SUGCT: variants seen among roughly 807,000 people sequenced by gnomAD.
SUGCT encodes the protein succinyl-CoA:glutarate CoA-transferase.
SUGCT carries 41 observed loss-of-function variants against 55.0 expected under a neutral mutation model. That is an observed-to-expected ratio of 0.74 (90% confidence interval 0.58 to 0.97). SUGCT has a LOEUF of 0.97. Among genes scored for constraint, SUGCT ranks in the 50% least tolerant of loss-of-function variants. SUGCT has a pLI of 0.00. For synonymous variants in SUGCT, 187 were observed against 200.4 expected (o/e 0.93, Z 0.56); for missense variants, 568 against 547.8 (o/e 1.04, Z -0.37).
chr7:40,535,067 C>G (rs915968794), intron 12 of SUGCT, among the ~76,000 whole-genome samples: 1 of 152,064 alleles, frequency 6.6e-6, no homozygotes, highest in Non-Finnish European at 1.5e-5. Flanking sequence ...TATCATTTAT[C>G]TAAATATAAA....
chr7:40,293,484 G>A (rs1793919969), intron 8 of SUGCT, among the ~76,000 whole-genome samples: 1 of 152,176 alleles, frequency 6.6e-6, no homozygotes, highest in South Asian at 2.1e-4. Context: ...GGGCAGCAAA[G>A]TTTGAAAACT....
chr7:40,710,221 G>A (rs946481729), intron 12 of SUGCT, among the ~76,000 whole-genome samples: 4 of 152,064 alleles, frequency 2.6e-5, no homozygotes, highest in South Asian at 2.1e-4. Context: ...ACTATACGGC[G>A]GACCACCTCT....
intron 9 of SUGCT, among the ~76,000 whole-genome samples, chr7:40,425,734 T>A (rs1178887745): frequency 6.6e-6 from 1 of 152,094 alleles, no homozygotes; most frequent in Middle Eastern, 3.2e-3. Context: ...CCATTGATAA[T>A]GGATATTGTG....
At chr7:40,186,340 C>G (rs931095974) in intron 3 of SUGCT, among the ~76,000 whole-genome samples, 1 of 151,504 alleles carries the variant, frequency 6.6e-6, no homozygotes, top group Non-Finnish European at 1.5e-5. Flanking sequence ...CTCAGTGCAG[C>G]ATTGACCTCC....
chr7:40,294,675 T>C (rs1293129465), intron 8 of SUGCT, among the ~76,000 whole-genome samples: 3 of 152,088 alleles, frequency 2.0e-5, no homozygotes, highest in Non-Finnish European at 4.4e-5. Flanking sequence ...GCCTCCCAAG[T>C]AGCTGGGATT....
intron 9 of SUGCT, among the ~76,000 whole-genome samples, chr7:40,349,254 A>C (rs1285932170): frequency 6.6e-6 from 1 of 152,200 alleles, no homozygotes; most frequent in Admixed American, 6.5e-5. Flanking sequence ...GCTTTACAGG[A>C]GTGTGCAGGC....
At chr7:40,316,553 A>G (rs1258183000) in intron 8 of SUGCT, among the ~76,000 whole-genome samples, 1 of 152,098 alleles carries the variant, frequency 6.6e-6, no homozygotes, top group Non-Finnish European at 1.5e-5. Context: ...TTCTCAATTG[A>G]CTATTACTTA....
rs909871769 is a variant in SUGCT, at chr7:40,449,138, A to C, written c.817-149A>C. 4 of 592,614 alleles carry C rather than the reference A, an allele frequency of 6.7e-6. No homozygotes were observed. The African/African-American group carries it at 7.5e-5, about 11-fold the overall frequency. 36.7% of individuals were successfully genotyped at this position (592,614 alleles called of 1,614,324 possible). On this transcript the variant is annotated intron_variant, in intron 9 of 13. Coordinates refer to ENST00000335693, the MANE Select transcript of SUGCT (RefSeq NM_001193313.2). ...TATCTTTTGTGGAAGATATATATGT[A>C]TACATATATGAAAAAGATACAAATT...
At chr7:40,933,797 G>T in the SUGCT span, among the ~76,000 whole-genome samples, 15 of 152,080 alleles carry the variant, frequency 9.9e-5, no homozygotes, top group Non-Finnish European at 2.1e-4. Flanking sequence ...GTCATTTAAG[G>T]TCTTCTCTAC....
At chr7:40,707,849 G>C (rs900508017) in intron 12 of SUGCT, among the ~76,000 whole-genome samples, 7 of 152,130 alleles carry the variant, frequency 4.6e-5, no homozygotes. Context: ...GACTTCTTTT[G>C]TTAAAACTTG....
chr7:40,908,483 G>A, the SUGCT span, among the ~76,000 whole-genome samples: 2 of 151,380 alleles, frequency 1.3e-5, no homozygotes, highest in Non-Finnish European at 2.9e-5. Context: ...TCTATCAAAT[G>A]GAAATATTTT....
the SUGCT span, among the ~76,000 whole-genome samples, chr7:40,993,535 G>T: frequency 6.6e-6 from 1 of 152,176 alleles, no homozygotes; most frequent in African/African-American, 2.4e-5. Context: ...CTTCATTGTT[G>T]GGTGTTCACA....
intron 12 of SUGCT, among the ~76,000 whole-genome samples, chr7:40,519,610 TTA>T (rs1459956660): frequency 1.3e-5 from 2 of 152,008 alleles, no homozygotes; most frequent in African/African-American, 4.8e-5. Context: ...AATTTTGACA[TTA>T]TATGTCTGAA....
chr7:40,932,387 G>A, the SUGCT span, among the ~76,000 whole-genome samples: 1 of 152,134 alleles, frequency 6.6e-6, no homozygotes, highest in South Asian at 2.1e-4. Context: ...GTGCTGAGAC[G>A]AATGTATGTT....
chr7:40,729,526 G>A (rs1786786941), intron 12 of SUGCT, among the ~76,000 whole-genome samples: 1 of 152,172 alleles, frequency 6.6e-6, no homozygotes, highest in South Asian at 2.1e-4. Context: ...GTGGTGAGTG[G>A]AAGCATATTA....
intron 1 of SUGCT, among the ~76,000 whole-genome samples, chr7:40,173,945 G>A (rs1784803527): frequency 7.2e-6 from 1 of 138,302 alleles, no homozygotes. Context: ...GTGTGTGTGT[G>A]TGTATTTTTC....
chr7:40,616,556 T>C (rs1411263278), intron 12 of SUGCT, among the ~76,000 whole-genome samples: 4 of 152,226 alleles, frequency 2.6e-5, no homozygotes, highest in African/African-American at 9.7e-5. Flanking sequence ...CATATGCTAG[T>C]AAATGATGCA....
At chr7:40,904,997 C>T in the SUGCT span, among the ~76,000 whole-genome samples, 1 of 152,124 alleles carries the variant, frequency 6.6e-6, no homozygotes, top group Admixed American at 6.5e-5. Flanking sequence ...TAAATAGTTT[C>T]ATTACTTTCA....
At chr7:40,535,874 A>G (rs1283472772) in intron 12 of SUGCT, among the ~76,000 whole-genome samples, 1 of 152,030 alleles carries the variant, frequency 6.6e-6, no homozygotes, top group Non-Finnish European at 1.5e-5. Flanking sequence ...CTAGTGTGAG[A>G]TGTTATCTCA....
Sources: gnomAD v4.1 joint callset for allele counts (sites outside exome capture counted in the v4.1 genomes callset) on GRCh38, gnomAD v4.1.1 for gene constraint, MANE v1.5 for transcripts, NCBI Gene and HGNC (gene_info 2026-07-23, HGNC 2026-07-21) for gene names.